Variants in CSMD1 observed in about 807,000 individuals in gnomAD.
CSMD1 encodes CUB and sushi domain-containing protein 1.
CSMD1 carries 213 observed loss-of-function variants against 417.5 expected under a neutral mutation model. The ratio of observed to expected loss-of-function variants is 0.51; its 90% confidence interval spans 0.46 to 0.57. The LOEUF (loss-of-function observed/expected upper bound fraction) is 0.57, where lower values mean the gene tolerates loss of function less well. CSMD1 is among the 20% of genes least tolerant of loss of function. CSMD1 has a pLI of 0.00. For missense variants in CSMD1, 6,923 were observed against 4,529.7 expected, an observed-to-expected ratio of 1.53 and a Z score of -15.17; for synonymous variants, 2,862 against 1,736.8, an observed-to-expected ratio of 1.65 and a Z score of -16.11.
At chr8:4,738,460 T>C (rs143475001) in intron 1 of CSMD1, among the ~76,000 whole-genome samples, 1 of 152,018 alleles carries the variant, frequency 6.6e-6, no homozygotes, top group African/African-American at 2.4e-5. Context: ...TCAGATCTCA[T>C]GAGAACAAAC....
In CSMD1 at chr8:3,678,301, C is replaced by T. The variant is rs373824760; in HGVS notation, c.1009+30113G>A. The stretch of plus-strand genomic sequence containing the variant: ...TTAAAAACTTTGAAAAATGATTAGA[C>T]GAATGGCTAACTAGAATAACCAATG... On this transcript the variant is annotated intron_variant, in intron 7 of 69. Coordinates refer to ENST00000635120, the MANE Select transcript of CSMD1 (RefSeq NM_033225.6). 9.6e-4 allele frequency among the ~76,000 whole-genome samples: 146 copies of T among 152,206 alleles called. 1 individual carries two copies. The highest frequency in any genetic ancestry group is 3.3e-3 in the African/African-American group (136 of 41,526).
intron 23 of CSMD1, among the ~76,000 whole-genome samples, chr8:3,310,145 C>CG (rs1267112720): frequency 2.0e-5 from 3 of 152,166 alleles, no homozygotes; most frequent in Admixed American, 1.3e-4. Flanking sequence ...CAATCACCTC[C>CG]GGTTTCAGGG....
At chr8:3,979,968 T>A (rs1036822514) in intron 5 of CSMD1, among the ~76,000 whole-genome samples, 1 of 152,218 alleles carries the variant, frequency 6.6e-6, no homozygotes, top group African/African-American at 2.4e-5. Context: ...ACTGCCAAAG[T>A]TAAATATTAA....
At chr8:3,645,660 T>C (rs1482207) in intron 7 of CSMD1, among the ~76,000 whole-genome samples, 30,318 of 152,114 alleles carry the variant, frequency 0.2, 3,344 homozygotes, top group East Asian at 0.32. Flanking sequence ...AGGGAGCCAC[T>C]GCTACAGCAG....
intron 3 of CSMD1, among the ~76,000 whole-genome samples, chr8:4,242,264 G>A (rs775068683): frequency 2.0e-5 from 3 of 152,166 alleles, no homozygotes; most frequent in Non-Finnish European, 4.4e-5. Flanking sequence ...ATCATCTTCT[G>A]TGAATGCTTT....
chr8:3,114,360 A>G (rs2129017419), intron 42 of CSMD1, among the ~76,000 whole-genome samples: 1 of 151,852 alleles, frequency 6.6e-6, no homozygotes, highest in East Asian at 1.9e-4. Context: ...TTTTTGCCTA[A>G]ACAAGAATAT....
In CSMD1 at chr8:3,448,344, G is replaced by GA. The variant is rs1563399847; in HGVS notation, c.1561+20367_1561+20368insT. Among the ~76,000 whole-genome samples, 33 of 94,630 alleles carry GA rather than the reference G, an allele frequency of 3.5e-4. 1 individual carries two copies. Among genetic ancestry groups the GA allele is most frequent in the African/African-American group, 1.1e-3 (22 of 19,230 alleles). The allele number at this position is 94,630 out of a possible 152,430, so 62.1% of individuals were successfully genotyped here. A position where few individuals can be genotyped will look rare whatever the true frequency, so the allele number is the denominator to read the frequency against. ...GGAAGGGAGCAAGGGAGGGAGGGAG[G>GA]GAGGAAGGAAGAAGGAAGAAGGGAG... On this transcript the variant is annotated intron_variant, in intron 12 of 69. Coordinates refer to ENST00000635120, the MANE Select transcript of CSMD1 (RefSeq NM_033225.6).
intron 1 of CSMD1, among the ~76,000 whole-genome samples, chr8:4,872,217 G>A (rs192618867): frequency 2.0e-5 from 3 of 152,220 alleles, no homozygotes; most frequent in Admixed American, 2.0e-4. Flanking sequence ...AGAGGCCTTG[G>A]AGTTGGGACG....
intron 3 of CSMD1, among the ~76,000 whole-genome samples, chr8:4,066,368 C>A: frequency 6.6e-6 from 1 of 152,158 alleles, no homozygotes; most frequent in Non-Finnish European, 1.5e-5. Flanking sequence ...ATTTCTAAGT[C>A]CCACTCAGCG....
Position 3,881,237 on chromosome 8 carries a change from AAC to A in CSMD1, c.818+116664_818+116665del, listed in dbSNP as rs534334186. Among the ~76,000 whole-genome samples the A allele has an allele frequency of 5.6e-5, 8 of 144,082 alleles. No homozygotes were observed. In the South Asian group the frequency reaches 1.8e-3, roughly 33 times the overall value. 94.5% of individuals were successfully genotyped at this position (144,082 alleles called of 152,430 possible). A position where few individuals can be genotyped will look rare whatever the true frequency, so the allele number is the denominator to read the frequency against. The stretch of plus-strand genomic sequence containing the variant: ...TCAAGTCACTCTCAACCCAAACCTC[AAC>A]AGAGTTTTGTTTCTTTGTTTTTTGC... On this transcript the variant is annotated intron_variant, in intron 5 of 69. Coordinates refer to ENST00000635120, the MANE Select transcript of CSMD1 (RefSeq NM_033225.6).
At position 4,317,847 on chromosome 8, in the gene CSMD1, C is replaced by T. The variant is rs570953954; in HGVS notation, c.415+102106G>A. ...ATTATTTGTTTAATGTATTTTTGAC[C>T]AAGTTAAACCGAATTTTGGCAGGAT... On this transcript the variant is annotated intron_variant, in intron 3 of 69. Transcript: ENST00000635120. Among the ~76,000 whole-genome samples, 135 of 152,186 alleles carry T rather than the reference C, an allele frequency of 8.9e-4. 1 individual carries two copies. The highest frequency in any genetic ancestry group is 3.1e-3 in the African/African-American group (127 of 41,542).
intron 3 of CSMD1, among the ~76,000 whole-genome samples, chr8:4,370,804 G>C (rs998975680): frequency 2.0e-5 from 3 of 152,124 alleles, no homozygotes; most frequent in South Asian, 2.1e-4. Context: ...TCTTAAAATG[G>C]TTATGTTGGC....
chr8:3,498,478 G>A (rs1473173276), intron 10 of CSMD1, among the ~76,000 whole-genome samples: 1 of 152,156 alleles, frequency 6.6e-6, no homozygotes, highest in African/African-American at 2.4e-5. Flanking sequence ...GCTCTTTGGA[G>A]AGCATCTTTG....
intron 16 of CSMD1, among the ~76,000 whole-genome samples, chr8:3,396,920 C>T (rs980460314): frequency 6.6e-6 from 1 of 152,054 alleles, no homozygotes; most frequent in Non-Finnish European, 1.5e-5. Context: ...TGCAATAACT[C>T]TTTCAAGACA....
At chr8:4,949,279 T>C (rs894646374) in intron 1 of CSMD1, among the ~76,000 whole-genome samples, 2 of 150,756 alleles carry the variant, frequency 1.3e-5, no homozygotes, top group Non-Finnish European at 3.0e-5. Flanking sequence ...GATTGTCCTT[T>C]TCCTATGGTA....
chr8:4,466,266 G>A (rs1053688445), intron 2 of CSMD1, among the ~76,000 whole-genome samples: 1 of 152,084 alleles, frequency 6.6e-6, no homozygotes, highest in Non-Finnish European at 1.5e-5. Context: ...ATCAGTGGAA[G>A]AATAAGCTTG....
At chr8:3,941,693 A>AT (rs1474928169) in intron 5 of CSMD1, among the ~76,000 whole-genome samples, 267 of 152,226 alleles carry the variant, frequency 1.8e-3, no homozygotes, top group African/African-American at 6.2e-3. Context: ...ATGTAATGAG[A>AT]TTTTTTCCCA....
chr8:4,553,093 C>A (rs1472275989), intron 2 of CSMD1, among the ~76,000 whole-genome samples: 1 of 152,212 alleles, frequency 6.6e-6, no homozygotes, highest in South Asian at 2.1e-4. Context: ...CCAATTACTT[C>A]TTTCAAAGAT....
At chr8:4,208,917 G>A (rs1800137701) in intron 3 of CSMD1, among the ~76,000 whole-genome samples, 2 of 152,116 alleles carry the variant, frequency 1.3e-5, no homozygotes. Context: ...TATATGCCCT[G>A]TAGACATAAC....
Sources: allele counts gnomAD v4.1 joint callset (sites outside exome capture counted in the v4.1 genomes callset), GRCh38; gene constraint gnomAD v4.1.1; transcripts MANE v1.5; gene names NCBI Gene and HGNC (gene_info 2026-07-23, HGNC 2026-07-21).